The following SPECC1 variants were observed in gnomAD, a reference collection of about 807,000 sequenced individuals.
SPECC1 encodes sperm antigen with calponin homology and coiled-coil domains 1, also known as cytospin-B.
A neutral mutation model predicts 104.1 loss-of-function variants in SPECC1; 62 were observed. The ratio of observed to expected loss-of-function variants is 0.60; its 90% confidence interval spans 0.49 to 0.74. The LOEUF (loss-of-function observed/expected upper bound fraction) is 0.74, where lower values mean the gene tolerates loss of function less well. SPECC1 is among the 30% of genes least tolerant of loss of function. SPECC1 has a pLI of 0.00. For missense variants in SPECC1, 1,306 were observed against 1,310.5 expected, an observed-to-expected ratio of 1.00 and a Z score of 0.05; for synonymous variants, 513 against 501.6, an observed-to-expected ratio of 1.02 and a Z score of -0.30.
intron 14 of SPECC1, among the ~76,000 whole-genome samples, chr17:20,307,686 A>G (rs1019443328): frequency 7.9e-5 from 12 of 152,184 alleles, no homozygotes; most frequent in Non-Finnish European, 1.5e-4. Context: ...TTTAAGAGAC[A>G]GGGACAAAAA....
chr17:20,090,810 T>A (rs1235232349), intron 1 of SPECC1, among the ~76,000 whole-genome samples: 1 of 152,174 alleles, frequency 6.6e-6, no homozygotes, highest in Non-Finnish European at 1.5e-5. Context: ...TCAATATAGC[T>A]GCCAGATTAT....
rs2040891952 is a variant in SPECC1, at chr17:20,284,952, G to A, written c.2941-12009G>A. ...TTTGCAGTTAGTGTACACAGAGTCA[G>A]TTCATTCACAGACACCTCATGGAGG... On this transcript the variant is annotated intron_variant, in intron 12 of 14. Coordinates refer to ENST00000395527, the MANE Select transcript of SPECC1 (RefSeq NM_001243439.2). 2.0e-5 allele frequency among the ~76,000 whole-genome samples: 3 copies of A among 152,316 alleles called. No homozygotes were observed. The South Asian group carries it at 6.2e-4, about 32-fold the overall frequency.
intron 13 of SPECC1, among the ~76,000 whole-genome samples, chr17:20,301,343 G>A (rs1204492086): frequency 1.3e-5 from 2 of 151,996 alleles, no homozygotes; most frequent in Admixed American, 6.5e-5. Flanking sequence ...GGGTCATCAG[G>A]ATGAGAGGCA....
At chr17:20,055,627 A>T (rs933157072) in intron 1 of SPECC1, among the ~76,000 whole-genome samples, 1 of 152,222 alleles carries the variant, frequency 6.6e-6, no homozygotes, top group Non-Finnish European at 1.5e-5. Context: ...GTCAGAATAT[A>T]AAAATGTAAC....
In SPECC1 at chr17:20,205,049, A is replaced by T; in HGVS notation, c.1000A>T (p.Ile334Phe). The stretch of plus-strand genomic sequence containing the variant: ...GCCAGATGCTTCCGACTTTGAGCAC[A>T]TTACAGCAGAGACACCCTCAAGGCC... Reference protein sequence around the residue: ...LSPDASDFEHITAETPSRPLS... With the variant: ...LSPDASDFEHFTAETPSRPLS... The change falls in exon 4 of 15, where the codon ATT becomes TTT. Residue 334 changes from isoleucine (I) to phenylalanine (F), a missense_variant. Ile to Phe is a conservative substitution (Grantham distance 21). Transcript: ENST00000395527. The T allele has an allele frequency of 6.2e-7, 1 of 1,614,224 alleles. No individual in the cohort carries two copies. The highest frequency in any genetic ancestry group is 2.2e-5 in the East Asian group (1 of 44,888).
rs912884762 is a variant in SPECC1, at chr17:20,071,102, G to A, written c.-21-25529G>A. Among the ~76,000 whole-genome samples, 3 of 152,026 alleles carry A rather than the reference G, an allele frequency of 2.0e-5. No individual in the cohort carries two copies. In the East Asian group the frequency reaches 5.8e-4, roughly 29 times the overall value. On this transcript the variant is annotated intron_variant, in intron 1 of 14. Coordinates refer to ENST00000395527, the MANE Select transcript of SPECC1 (RefSeq NM_001243439.2). ...GTGGCTATTTGCAAGCACAATCATA[G>A]TGCGCTACAGCCTTGATCTCCCGGG...
At chr17:20,228,386 G>T (rs937585137) in intron 5 of SPECC1, among the ~76,000 whole-genome samples, 9 of 152,174 alleles carry the variant, frequency 5.9e-5, no homozygotes, top group Non-Finnish European at 1.2e-4. Flanking sequence ...GATGTGTTTT[G>T]TGTGAGCCAT....
At chr17:20,160,371 G>C (rs1252919034) in intron 3 of SPECC1, among the ~76,000 whole-genome samples, 1 of 152,062 alleles carries the variant, frequency 6.6e-6, no homozygotes, top group Admixed American at 6.5e-5. Context: ...CCTGCCCGAG[G>C]TTTTAGGGGC....
rs2042065285 is a variant in SPECC1, at chr17:20,318,336, A to G, written c.*4271A>G. The G allele has an allele frequency of 4.3e-6, 1 of 231,522 alleles. No individual in the cohort carries two copies. The allele number at this position is 231,522 out of a possible 1,614,324, so 14.3% of individuals were successfully genotyped here. On this transcript the variant is annotated 3_prime_UTR_variant, in exon 15 of 15. Coordinates refer to ENST00000395527, the MANE Select transcript of SPECC1 (RefSeq NM_001243439.2). ...CATTCTCAGGAGCTTCTCTTGTCCTAGCCCCTTCTCATTTCAAAAATATTA... is the reference window on the plus strand; with the variant it reads ...CATTCTCAGGAGCTTCTCTTGTCCTGGCCCCTTCTCATTTCAAAAATATTA...
intron 12 of SPECC1, among the ~76,000 whole-genome samples, chr17:20,282,407 G>C (rs1343679163): frequency 6.6e-6 from 1 of 152,142 alleles, no homozygotes; most frequent in South Asian, 2.1e-4. Flanking sequence ...TCAAACCCTC[G>C]GTGCTTTCAG....
intron 1 of SPECC1, among the ~76,000 whole-genome samples, chr17:20,028,760 ATTT>A (rs71157855): frequency 4.4e-4 from 57 of 128,256 alleles, no homozygotes; most frequent in African/African-American, 1.3e-3. Flanking sequence ...GTCATCTGGG[ATTT>A]TTTTTTTTTT....
chr17:20,311,277 A>G (rs2041923798), intron 14 of SPECC1, among the ~76,000 whole-genome samples: 1 of 152,118 alleles, frequency 6.6e-6, no homozygotes, highest in African/African-American at 2.4e-5. Context: ...CAATCATATC[A>G]TCTGCAAATA....
chr17:20,242,692 A>C (rs1422554551), intron 7 of SPECC1, among the ~76,000 whole-genome samples: 1 of 152,246 alleles, frequency 6.6e-6, no homozygotes, highest in Admixed American at 6.5e-5. Context: ...TATGCATTAT[A>C]GAAAATTTGA....
At chr17:20,271,859 C>T (rs991597324) in intron 12 of SPECC1, among the ~76,000 whole-genome samples, 2 of 151,636 alleles carry the variant, frequency 1.3e-5, no homozygotes, top group Admixed American at 6.6e-5. Flanking sequence ...TTTGTTTTAC[C>T]CTGATGCTTG....
intron 1 of SPECC1, among the ~76,000 whole-genome samples, chr17:20,026,584 G>T (rs1460067359): frequency 1.3e-5 from 2 of 151,926 alleles, no homozygotes; most frequent in African/African-American, 4.8e-5. Context: ...TGTCCTCCAG[G>T]TTCATCCATG....
At chr17:20,096,586 G>A (rs1210345178) in intron 1 of SPECC1, 45 bp from the exon 2 acceptor site, 14 of 1,559,892 alleles carry the variant, frequency 9.0e-6, no homozygotes, top group Middle Eastern at 1.7e-4. Flanking sequence ...TCATGCAGCA[G>A]GTTCAAGTGA....
At chr17:20,201,297 T>TAAAA (rs562224075) in intron 3 of SPECC1, among the ~76,000 whole-genome samples, 1 of 133,532 alleles carries the variant, frequency 7.5e-6, no homozygotes, top group African/African-American at 2.7e-5. Flanking sequence ...CCATCTCTAC[T>TAAAA]AAAAAAAAAA....
intron 9 of SPECC1, among the ~76,000 whole-genome samples, chr17:20,247,793 G>A (rs545219001): frequency 4.4e-4 from 67 of 152,248 alleles, no homozygotes; most frequent in Non-Finnish European, 8.1e-4. Context: ...CACTTAAGGG[G>A]CTACTTTTTA....
At chr17:20,069,178 C>T (rs1483179111) in intron 1 of SPECC1, among the ~76,000 whole-genome samples, 5 of 152,228 alleles carry the variant, frequency 3.3e-5, no homozygotes, top group Non-Finnish European at 5.9e-5. Context: ...ATTTAGCTCT[C>T]GCTAATAAGT....
Sources: gnomAD v4.1 joint callset for allele counts (sites outside exome capture counted in the v4.1 genomes callset) on GRCh38, gnomAD v4.1.1 for gene constraint, MANE v1.5 for transcripts, NCBI Gene and HGNC (gene_info 2026-07-23, HGNC 2026-07-21) for gene names.